ATP10B: variants seen among roughly 807,000 people sequenced by gnomAD.
ATP10B encodes the protein ATPase phospholipid transporting 10B (putative).
A neutral mutation model predicts 141.2 loss-of-function variants in ATP10B; 122 were observed. That is an observed-to-expected ratio of 0.86 (90% confidence interval 0.75 to 1.00). ATP10B has a LOEUF of 1.00. Ranked by LOEUF, ATP10B falls within the 50% of genes least tolerant of loss-of-function variation. The pLI, the probability that ATP10B is intolerant of heterozygous loss-of-function variation, is 0.00. For synonymous variants in ATP10B, 685 were observed against 692.0 expected (o/e 0.99, Z 0.16); for missense variants, 1,876 against 1,825.3 (o/e 1.03, Z -0.51).
intron 2 of ATP10B, among the ~76,000 whole-genome samples, chr5:160,760,462 GTTCT>G (rs1561825841): frequency 2.0e-5 from 3 of 151,960 alleles, no homozygotes. Flanking sequence ...AAAGTTCCCC[GTTCT>G]TTTGGATTAT....
intron 22 of ATP10B, among the ~76,000 whole-genome samples, chr5:160,595,705 G>A (rs1210092314): frequency 6.6e-6 from 1 of 151,766 alleles, no homozygotes; most frequent in African/African-American, 2.4e-5. Flanking sequence ...AATGATAAAG[G>A]GGATATCACC....
chr5:160,605,725 T>C (rs565063454), intron 19 of ATP10B, among the ~76,000 whole-genome samples: 73 of 152,304 alleles, frequency 4.8e-4, no homozygotes, highest in African/African-American at 1.7e-3. Context: ...CCCATGCCTG[T>C]GTAGGAGGAG....
intron 7 of ATP10B, among the ~76,000 whole-genome samples, chr5:160,662,497 C>A (rs1293258992): frequency 1.3e-5 from 2 of 152,132 alleles, no homozygotes; most frequent in Non-Finnish European, 2.9e-5. Context: ...TGCCACATAT[C>A]TACAACTATC....
At chr5:160,751,114 T>A (rs1392289663) in intron 2 of ATP10B, among the ~76,000 whole-genome samples, 1 of 152,200 alleles carries the variant, frequency 6.6e-6, no homozygotes, top group Non-Finnish European at 1.5e-5. Context: ...GACGGAGGGC[T>A]CTGAGAGGCC....
chr5:160,688,813 T>C lies in ATP10B; in HGVS notation c.-74A>G. The C allele has an allele frequency of 1.0e-6, 1 of 985,474 alleles. No individual in the cohort carries two copies. Among genetic ancestry groups the C allele is most frequent in the Non-Finnish European group, 1.2e-6 (1 of 829,942 alleles). 61.0% of individuals were successfully genotyped at this position (985,474 alleles called of 1,614,324 possible). ...TAAGTAGAATAGATGGGAGAGGTTC[T>C]TTCCTAGGAAATTTGTCCATGAGGT... On this transcript the variant is annotated 5_prime_UTR_variant, in exon 4 of 26. Transcript: ENST00000327245.
At chr5:160,830,450 T>C (rs1722801846) in intron 1 of ATP10B, among the ~76,000 whole-genome samples, 1 of 152,086 alleles carries the variant, frequency 6.6e-6, no homozygotes, top group Non-Finnish European at 1.5e-5. Context: ...ATATGGCAAA[T>C]TGTAATAGTG....
At chr5:160,788,840 AC>A (rs1005336171) in intron 1 of ATP10B, among the ~76,000 whole-genome samples, 1 of 152,098 alleles carries the variant, frequency 6.6e-6, no homozygotes, top group African/African-American at 2.4e-5. Context: ...CTATCCATCC[AC>A]CATCCATCCA....
chr5:160,912,561 C>T, the ATP10B span, among the ~76,000 whole-genome samples: 7 of 150,230 alleles, frequency 4.7e-5, no homozygotes, highest in South Asian at 2.1e-4. Context: ...ATCACGCCAC[C>T]GCACTCTAGC....
chr5:160,599,876 A>G (rs1188391945), intron 21 of ATP10B, among the ~76,000 whole-genome samples: 2 of 152,218 alleles, frequency 1.3e-5, no homozygotes, highest in African/African-American at 2.4e-5. Context: ...CTTCTCAGTT[A>G]TGTGGGGCTG....
At chr5:160,725,944 T>C (rs1337775140) in intron 2 of ATP10B, among the ~76,000 whole-genome samples, 1 of 152,074 alleles carries the variant, frequency 6.6e-6, no homozygotes, top group Non-Finnish European at 1.5e-5. Context: ...GAGAAGGACA[T>C]GTAGTCAGGG....
chr5:160,703,086 T>C (rs976564319), intron 3 of ATP10B, among the ~76,000 whole-genome samples: 3 of 152,160 alleles, frequency 2.0e-5, no homozygotes, highest in Admixed American at 6.6e-5. Flanking sequence ...TGTGATGAAA[T>C]TGTGGTTTGG....
the ATP10B span, among the ~76,000 whole-genome samples, chr5:160,895,614 C>G: frequency 6.6e-6 from 1 of 152,060 alleles, no homozygotes; most frequent in Non-Finnish European, 1.5e-5. Flanking sequence ...ACTTAACACC[C>G]CACTGTCAAT....
At chr5:160,749,835 C>T (rs991251522) in intron 2 of ATP10B, among the ~76,000 whole-genome samples, 3 of 152,126 alleles carry the variant, frequency 2.0e-5, no homozygotes, top group African/African-American at 7.2e-5. Context: ...GGTCGGCCAC[C>T]ACCAGGAACT....
At chr5:160,912,414 CAA>C in the ATP10B span, among the ~76,000 whole-genome samples, 549 of 88,788 alleles carry the variant, frequency 6.2e-3, no homozygotes, top group African/African-American at 0.02. Context: ...CTGTTTCTAC[CAA>C]AAAAAAAAAA....
chr5:160,597,924 G>A (rs1756826172), intron 22 of ATP10B, among the ~76,000 whole-genome samples: 2 of 151,032 alleles, frequency 1.3e-5, no homozygotes, highest in Admixed American at 1.3e-4. Flanking sequence ...GGAGAAATAG[G>A]AACACTTTTA....
intron 2 of ATP10B, among the ~76,000 whole-genome samples, chr5:160,755,248 C>A (rs1001258157): frequency 6.7e-6 from 1 of 149,376 alleles, no homozygotes; most frequent in African/African-American, 2.5e-5. Context: ...GATCAGATCT[C>A]CTGAGAACTC....
intron 24 of ATP10B, among the ~76,000 whole-genome samples, chr5:160,581,128 G>T (rs1019663972): frequency 6.6e-6 from 1 of 152,024 alleles, no homozygotes; most frequent in African/African-American, 2.4e-5. Flanking sequence ...TTTTTGAAGG[G>T]TTTTTTGTGT....
intron 8 of ATP10B, among the ~76,000 whole-genome samples, chr5:160,647,020 A>G (rs1760329430): frequency 1.3e-5 from 2 of 152,150 alleles, no homozygotes; most frequent in Admixed American, 1.3e-4. Context: ...GATTCTAGAC[A>G]TTGTCAAATG....
At chr5:160,652,960 T>A (rs183537634) in intron 7 of ATP10B, among the ~76,000 whole-genome samples, 997 of 85,656 alleles carry the variant, frequency 0.012, 37 homozygotes, top group African/African-American at 0.056. Context: ...ATATTATATA[T>A]ACATGTATAT....
Sources: gnomAD v4.1 joint callset for allele counts (sites outside exome capture counted in the v4.1 genomes callset) on GRCh38, gnomAD v4.1.1 for gene constraint, MANE v1.5 for transcripts, NCBI Gene and HGNC (gene_info 2026-07-23, HGNC 2026-07-21) for gene names.